The following GRIK1 variants were observed in gnomAD, a reference collection of about 807,000 sequenced individuals.
The protein encoded by GRIK1 is glutamate ionotropic receptor kainate type subunit 1, also known as glutamate receptor ionotropic, kainate 1.
GRIK1 carries 69 observed loss-of-function variants against 105.7 expected under a neutral mutation model. The ratio of observed to expected loss-of-function variants is 0.65; its 90% CI spans 0.54 to 0.80. The LOEUF (loss-of-function observed/expected upper bound fraction) is 0.80, where lower values mean the gene tolerates loss of function less well. Among genes scored for constraint, GRIK1 ranks in the 30% least tolerant of loss-of-function variants. The pLI, the probability that GRIK1 is intolerant of heterozygous loss-of-function variation, is 0.00. For synonymous variants in GRIK1, 438 were observed against 431.3 expected (o/e 1.02, Z -0.19); for missense variants, 1,109 against 1,167.3 (o/e 0.95, Z 0.73).
intron 1 of GRIK1, among the ~76,000 whole-genome samples, chr21:29,707,348 T>G (rs1315861194): frequency 6.6e-6 from 1 of 152,038 alleles, no homozygotes; most frequent in Non-Finnish European, 1.5e-5. Context: ...GTGAATTTCC[T>G]TCTATTCTTT....
intron 7 of GRIK1, among the ~76,000 whole-genome samples, chr21:29,613,559 A>C (rs1328235712): frequency 1.3e-5 from 2 of 152,186 alleles, no homozygotes; most frequent in Non-Finnish European, 2.9e-5. Flanking sequence ...GTCTGATTAC[A>C]GTTCTGAAGA....
At chr21:29,868,025 A>G (rs752915512) in intron 1 of GRIK1, among the ~76,000 whole-genome samples, 6 of 96,674 alleles carry the variant, frequency 6.2e-5, no homozygotes, top group African/African-American at 2.8e-4. Flanking sequence ...AGACAGAAAG[A>G]AAGGAAGGAA....
At chr21:29,643,975 C>T (rs1458411925) in intron 6 of GRIK1, among the ~76,000 whole-genome samples, 2 of 152,052 alleles carry the variant, frequency 1.3e-5, no homozygotes. Flanking sequence ...TGAGAAATCC[C>T]AGAGATGTCA....
intron 1 of GRIK1, among the ~76,000 whole-genome samples, chr21:29,707,753 A>T (rs1487788013): frequency 6.6e-6 from 1 of 151,986 alleles, no homozygotes; most frequent in East Asian, 1.9e-4. Context: ...AAGTGCTGGG[A>T]TTACAGGCGT....
intron 1 of GRIK1, among the ~76,000 whole-genome samples, chr21:29,792,201 C>T (rs538150404): frequency 1.3e-5 from 2 of 152,058 alleles, no homozygotes; most frequent in East Asian, 3.9e-4. Context: ...TATATATACA[C>T]ACATATGTAT....
At chr21:29,848,779 A>ATATATATATATATATATATT in intron 1 of GRIK1, among the ~76,000 whole-genome samples, 8 of 77,878 alleles carry the variant, frequency 1.0e-4, no homozygotes, top group African/African-American at 3.5e-4. Context: ...ATATATATAT[A>ATATATATATATATATATATT]TTTTTTTTTT....
chr21:29,827,659 G>A (rs551477640), intron 1 of GRIK1, among the ~76,000 whole-genome samples: 1 of 152,170 alleles, frequency 6.6e-6, no homozygotes, highest in Non-Finnish European at 1.5e-5. Flanking sequence ...TTAGTGAAAG[G>A]AGGACATATG....
intron 1 of GRIK1, among the ~76,000 whole-genome samples, chr21:29,851,472 C>T (rs573244206): frequency 6.6e-6 from 1 of 152,310 alleles, no homozygotes; most frequent in East Asian, 1.9e-4. Flanking sequence ...ACATCCTCTT[C>T]CCATAACATG....
chr21:29,817,589 G>T (rs2067188130), intron 1 of GRIK1, among the ~76,000 whole-genome samples: 1 of 152,024 alleles, frequency 6.6e-6, no homozygotes, highest in Non-Finnish European at 1.5e-5. Flanking sequence ...TCTTGGTATT[G>T]CCCCTTTCTC....
chr21:29,685,462 A>G (rs1316147837), intron 3 of GRIK1, among the ~76,000 whole-genome samples: 1 of 151,964 alleles, frequency 6.6e-6, no homozygotes, highest in Non-Finnish European at 1.5e-5. Flanking sequence ...TTTTTTTTTA[A>G]TGTTTTGCCA....
chr21:29,670,606 G>A (rs2063144928), intron 4 of GRIK1, among the ~76,000 whole-genome samples: 1 of 152,140 alleles, frequency 6.6e-6, no homozygotes, highest in South Asian at 2.1e-4. Context: ...AGACAAATGA[G>A]TATCTAGCAA....
intron 4 of GRIK1, among the ~76,000 whole-genome samples, chr21:29,656,317 CGCCACTGCACTCCAGCCTGGGG>C (rs2062848006): frequency 7.6e-6 from 1 of 132,372 alleles, no homozygotes. Context: ...GCCAAGATCG[CGCCACTGCACTCCAGCCTGGGG>C]GCCAGAGCGA....
In GRIK1 at chr21:29,729,932, T is replaced by C. The variant is rs576823971; in HGVS notation, c.119-35869A>G. ...ACAATTAAGATGGTTTAATACCGAT[T>C]TTCAACTTCTAATCTCTCCCTGGAT... On this transcript the variant is annotated intron_variant, in intron 1 of 17. Transcript: ENST00000327783. Among the ~76,000 whole-genome samples, 118 of 152,336 alleles carry C rather than the reference T, an allele frequency of 7.7e-4. 1 individual carries two copies. Among genetic ancestry groups the C allele is most frequent in the Admixed American group, 2.9e-3 (44 of 15,292 alleles).
At chr21:29,576,866 TTTTTTCTTTTTTC>T (rs1419830973) in intron 14 of GRIK1, 85 bp downstream of exon 14, 2 of 709,494 alleles carry the variant, frequency 2.8e-6, no homozygotes, top group East Asian at 2.6e-5. Context: ...CCCAACATCT[TTTTTTCTTTTTTC>T]TTTTTCTTTT....
chr21:29,758,731 G>C (rs1273172600), intron 1 of GRIK1: 1 of 152,634 alleles, frequency 6.6e-6, no homozygotes, highest in African/African-American at 2.4e-5. Context: ...CTAGAACACT[G>C]AGCAAAATTA....
intron 5 of GRIK1, 63 bp from the exon 6 acceptor site, chr21:29,651,354 G>C: frequency 4.7e-6 from 5 of 1,068,184 alleles, no homozygotes. Flanking sequence ...TTATACAAAA[G>C]AATATTAATG....
At chr21:29,869,785 A>T (rs1401152991) in intron 1 of GRIK1, among the ~76,000 whole-genome samples, 1 of 152,334 alleles carries the variant, frequency 6.6e-6, no homozygotes, top group Middle Eastern at 3.4e-3. Flanking sequence ...ATAAACAAAC[A>T]TTAAAAAATC....
intron 1 of GRIK1, among the ~76,000 whole-genome samples, chr21:29,868,734 T>C (rs997567894): frequency 6.6e-6 from 1 of 152,188 alleles, no homozygotes. Flanking sequence ...CTGTTTCCTT[T>C]ATTCACCTGT....
chr21:29,683,093 C>G (rs1047705916), intron 3 of GRIK1, among the ~76,000 whole-genome samples: 5 of 152,168 alleles, frequency 3.3e-5, no homozygotes, highest in African/African-American at 1.2e-4. Flanking sequence ...CCATCTCACA[C>G]CAGTCACAAT....
Sources: allele counts gnomAD v4.1 joint callset (sites outside exome capture counted in the v4.1 genomes callset), GRCh38; gene constraint gnomAD v4.1.1; transcripts MANE v1.5; gene names NCBI Gene and HGNC (gene_info 2026-07-23, HGNC 2026-07-21).